The following MLXIP variants were observed in gnomAD, a reference collection of about 807,000 sequenced individuals.
MLXIP encodes the protein MLX interacting protein.
A neutral mutation model predicts 87.2 loss-of-function variants in MLXIP; 30 were observed. The observed-to-expected ratio is 0.34, with a 90% confidence interval of 0.26 to 0.47. MLXIP has a LOEUF of 0.47. Among genes scored for constraint, MLXIP ranks in the 20% least tolerant of loss-of-function variants. The pLI, the probability that MLXIP is intolerant of heterozygous loss-of-function variation, is 1.00. For missense variants in MLXIP, 1,002 were observed against 1,240.1 expected (o/e 0.81, Z 2.88); for synonymous variants, 530 against 514.0 (o/e 1.03, Z -0.42).
intron 1 of MLXIP, among the ~76,000 whole-genome samples, chr12:122,118,154 C>A (rs969609561): frequency 2.0e-5 from 3 of 152,172 alleles, no homozygotes; most frequent in Non-Finnish European, 4.4e-5. Flanking sequence ...TGGGTGGCAA[C>A]TACAGTGTGG....
chr12:122,085,237 C>T lies in MLXIP; in HGVS notation c.413+5971C>T, dbSNP rs996475690. Among the ~76,000 whole-genome samples the T allele has an allele frequency of 7.9e-5, 12 of 151,928 alleles. 1 individual carries two copies. The highest frequency in any genetic ancestry group is 1.8e-4 in the Non-Finnish European group (12 of 68,012). On this transcript the variant is annotated intron_variant, in intron 1 of 16. Transcript: ENST00000319080. Reference sequence around the variant, plus strand: ...CCCTGGAAGGCACCCTGATGTCATTCGGCCTGTGTCATTATGTGATCCCGG... The same window carrying T: ...CCCTGGAAGGCACCCTGATGTCATTTGGCCTGTGTCATTATGTGATCCCGG...
At chr12:122,122,734 G>A (rs1449131039) in intron 1 of MLXIP, among the ~76,000 whole-genome samples, 3 of 151,942 alleles carry the variant, frequency 2.0e-5, no homozygotes, top group Admixed American at 1.3e-4. Flanking sequence ...TTTTAGTAGA[G>A]ACGGGGGTTT....
chr12:122,140,132 A>C (rs1225784046), intron 15 of MLXIP, among the ~76,000 whole-genome samples: 1 of 152,178 alleles, frequency 6.6e-6, no homozygotes, highest in Non-Finnish European at 1.5e-5. Flanking sequence ...CATACTCCCC[A>C]TCATCAGGCC....
At position 122,142,072 on chromosome 12, in the gene MLXIP, G is replaced by T; in HGVS notation, c.*260G>T. 1.5e-6 allele frequency: 1 copy of T among 680,828 alleles called. No individual in the cohort carries two copies. Among genetic ancestry groups the T allele is most frequent in the Non-Finnish European group, 2.6e-6 (1 of 378,162 alleles). The allele number at this position is 680,828 out of a possible 1,614,324, so 42.2% of individuals were successfully genotyped here. ...TCAGTCACCAACCTCCTCTGCCCTC[G>T]GGGCAGCCCACACAAAAGGGAAGTG... On this transcript the variant is annotated 3_prime_UTR_variant, in exon 17 of 17. Transcript: ENST00000319080.
Position 122,132,399 on chromosome 12 carries a change from G to A in MLXIP, c.1092+16G>A, listed in dbSNP as rs769089969. Reference sequence around the variant, plus strand: ...ACCTGCACAGGTAGAGGAAGCTGGGGGATGGGTGGGGGAAGGGGCTGGCAG... The same window carrying A: ...ACCTGCACAGGTAGAGGAAGCTGGGAGATGGGTGGGGGAAGGGGCTGGCAG... On this transcript the variant is annotated intron_variant, in intron 8 of 16. Coordinates refer to ENST00000319080, the MANE Select transcript of MLXIP (RefSeq NM_014938.6). The A allele has an allele frequency of 3.1e-6, 5 of 1,593,624 alleles. No individual in the cohort carries two copies. Among genetic ancestry groups the A allele is most frequent in the South Asian group, 1.1e-5 (1 of 88,998 alleles).
At chr12:122,128,989 G>A (rs534962967) in intron 3 of MLXIP, 148 bp from the exon 4 acceptor site, 12 of 657,890 alleles carry the variant, frequency 1.8e-5, no homozygotes, top group African/African-American at 7.2e-5. Flanking sequence ...GAAGTGGGAC[G>A]TACTTTCTGA....
chr12:122,131,524 A>G (rs1952979064), intron 7 of MLXIP, among the ~76,000 whole-genome samples: 1 of 135,066 alleles, frequency 7.4e-6, no homozygotes, highest in Non-Finnish European at 1.5e-5. Context: ...ATCATGGTTC[A>G]CTGCAGCCCT....
In MLXIP at chr12:122,112,266, T is replaced by C. The variant is rs535619598; in HGVS notation, c.414-14990T>C. Among the ~76,000 whole-genome samples the C allele has an allele frequency of 8.5e-5, 13 of 152,340 alleles. No individual in the cohort carries two copies. In the South Asian group the frequency reaches 2.7e-3, roughly 32 times the overall value. On this transcript the variant is annotated intron_variant, in intron 1 of 16. Transcript: ENST00000319080. ...CAATGAGATAACTAGTTGGAATTTG[T>C]TTTTGTGAGCTGTGTAAAGAACTAA...
At position 122,145,011 on chromosome 12, in the gene MLXIP, T is replaced by A. The variant is rs190083655; in HGVS notation, c.*3199T>A. ...GCTGTCAGCCCCTGCACTGCACTGC[T>A]GCCTTCCATGGTGGGTGGGAGACCC... On this transcript the variant is annotated 3_prime_UTR_variant, in exon 17 of 17. Coordinates refer to ENST00000319080, the MANE Select transcript of MLXIP (RefSeq NM_014938.6). The A allele has an allele frequency of 6.6e-6, 1 of 152,384 alleles. No homozygotes were observed. Among genetic ancestry groups the A allele is most frequent in the Admixed American group, 6.5e-5 (1 of 15,304 alleles). 9.4% of individuals were successfully genotyped at this position (152,384 alleles called of 1,614,324 possible).
intron 1 of MLXIP, among the ~76,000 whole-genome samples, chr12:122,122,799 G>A (rs1434467077): frequency 2.0e-5 from 3 of 151,642 alleles, no homozygotes; most frequent in East Asian, 1.9e-4. Context: ...CACCCGCCTC[G>A]GCCTCCCAAA....
chr12:122,109,432 G>A (rs775132074), intron 1 of MLXIP, among the ~76,000 whole-genome samples: 8 of 152,012 alleles, frequency 5.3e-5, no homozygotes, highest in Non-Finnish European at 1.2e-4. Context: ...TCGAACTCCT[G>A]GCCTTAAGCG....
Position 122,137,737 on chromosome 12 carries a change from C to G in MLXIP, c.2154+147C>G. ...GATCAGAAATGGGCTTCTCCTTGCC[C>G]CATGCCACGAACCAGCCCTGTGGGG... On this transcript the variant is annotated intron_variant, in intron 12 of 16. Coordinates refer to ENST00000319080, the MANE Select transcript of MLXIP (RefSeq NM_014938.6). This position sits in a 1 kb window ranked among gnomAD's most constrained non-coding sequence, Gnocchi z 4.1. The G allele has an allele frequency of 7.6e-7, 1 of 1,322,656 alleles. No individual in the cohort carries two copies. The highest frequency in any genetic ancestry group is 1.0e-6 in the Non-Finnish European group (1 of 959,324). 81.9% of individuals were successfully genotyped at this position (1,322,656 alleles called of 1,614,324 possible). A position where few individuals can be genotyped will look rare whatever the true frequency, so the allele number is the denominator to read the frequency against.
intron 1 of MLXIP, among the ~76,000 whole-genome samples, chr12:122,094,128 ATG>A (rs1220314658): frequency 0.24 from 21,501 of 87,784 alleles, 2,028 homozygotes; most frequent in East Asian, 0.37. Context: ...GTGTGTTGGT[ATG>A]TGTGTGGGGT....
In MLXIP at chr12:122,135,524, G is replaced by C; in HGVS notation, c.1890G>C (p.Leu630=). ...PGVPEFHSSI[L]VTDLGHGTSS... ...TCCCGGAGTTCCACAGCAGCATCCTGGTGACAGATCTCGGCCATGGCACGA... is the reference window on the plus strand; with the variant it reads ...TCCCGGAGTTCCACAGCAGCATCCTCGTGACAGATCTCGGCCATGGCACGA... Residue 630 remains leucine (L), a synonymous_variant, in exon 11 of 17, where the codon CTG becomes CTC. Transcript: ENST00000319080. This position sits in a 1 kb window ranked among gnomAD's most constrained non-coding sequence, Gnocchi z 5.3. 1 of 1,608,900 alleles carries C rather than the reference G, an allele frequency of 6.2e-7. No homozygotes were observed. The highest frequency in any genetic ancestry group is 2.2e-5 in the East Asian group (1 of 44,636).
At chr12:122,125,685 G>A (rs968569444) in intron 1 of MLXIP, among the ~76,000 whole-genome samples, 4 of 152,250 alleles carry the variant, frequency 2.6e-5, no homozygotes, top group African/African-American at 4.8e-5. Flanking sequence ...GAGAAGGAAG[G>A]AAGGAAGGTG....
chr12:122,081,355 A>G (rs1256220774), intron 1 of MLXIP, among the ~76,000 whole-genome samples: 2 of 152,218 alleles, frequency 1.3e-5, no homozygotes, highest in Admixed American at 1.3e-4. Flanking sequence ...TGGTTTGTCC[A>G]GTGCTGAGTT....
chr12:122,130,169 G>GC lies in MLXIP; in HGVS notation c.910+62dup. ...AGCCAGCCGCTTCCTTCTCTGCCAG[G>GC]CCCCCTCTGGGCCAGGGTTCCTTCA... On this transcript the variant is annotated intron_variant, in intron 6 of 16. Transcript: ENST00000319080. 6 of 1,535,174 alleles carry GC rather than the reference G, an allele frequency of 3.9e-6. No individual in the cohort carries two copies. In the South Asian group the frequency reaches 7.3e-5, roughly 19 times the overall value.
intron 2 of MLXIP, 66 bp from the exon 3 acceptor site, chr12:122,127,817 C>G (rs1952904758): frequency 7.6e-7 from 1 of 1,320,156 alleles, no homozygotes; most frequent in Admixed American, 1.7e-5. Flanking sequence ...AGGGGTGCAG[C>G]AGACAGGCTG....
At chr12:122,105,092 G>A (rs1204711696) in intron 1 of MLXIP, among the ~76,000 whole-genome samples, 1 of 152,124 alleles carries the variant, frequency 6.6e-6, no homozygotes, top group Non-Finnish European at 1.5e-5. Flanking sequence ...TTTTTGGTGG[G>A]TGCCTCATGG....
Sources: allele counts gnomAD v4.1 joint callset (sites outside exome capture counted in the v4.1 genomes callset), GRCh38; gene constraint gnomAD v4.1.1; non-coding constraint Gnocchi (gnomAD v3.1); transcripts MANE v1.5; gene names NCBI Gene and HGNC (gene_info 2026-07-23, HGNC 2026-07-21).